Variants in VWA3A observed in about 807,000 individuals in gnomAD.
VWA3A encodes von Willebrand factor A domain containing 3A.
VWA3A carries 134 observed loss-of-function variants against 160.4 expected under a neutral mutation model. The ratio of observed to expected loss-of-function variants is 0.84; its 90% confidence interval spans 0.73 to 0.96. The LOEUF (loss-of-function observed/expected upper bound fraction) is 0.96, where lower values mean the gene tolerates loss of function less well. Ranked by LOEUF, VWA3A falls within the 40% of genes least tolerant of loss-of-function variation. The pLI, the probability that VWA3A is intolerant of heterozygous loss-of-function variation, is 0.00. For synonymous variants in VWA3A, 476 were observed against 543.4 expected (o/e 0.88, Z 1.72); for missense variants, 1,310 against 1,447.9 (o/e 0.90, Z 1.55).
At chr16:22,107,518 G>T (rs1452064902) in intron 6 of VWA3A, among the ~76,000 whole-genome samples, 1 of 152,162 alleles carries the variant, frequency 6.6e-6, no homozygotes, top group Non-Finnish European at 1.5e-5. Context: ...GAGGCTGAAG[G>T]ATCTCTTGAG....
Position 22,117,177 on chromosome 16 carries a change from G to A in VWA3A, c.990+1G>A. 1 of 1,576,578 alleles carries A rather than the reference G, an allele frequency of 6.3e-7. No individual in the cohort carries two copies. Among genetic ancestry groups the A allele is most frequent in the Non-Finnish European group, 8.6e-7 (1 of 1,160,744 alleles). ...CCACTGCTACAGCCCAAAGATGGAG[G>A]TAAGCCCTTCTGTCAACACATGGCC... On this transcript the variant is annotated splice_donor_variant, in intron 11 of 33. Transcript: ENST00000389398. LOFTEE classifies it high-confidence loss of function.
At position 22,115,451 on chromosome 16, in the gene VWA3A, T is replaced by G. The variant is rs1280349014; in HGVS notation, c.794T>G (p.Leu265Arg). The G allele has an allele frequency of 1.9e-5, 31 of 1,608,044 alleles. No homozygotes were observed. Among genetic ancestry groups the G allele is most frequent in the Non-Finnish European group, 2.6e-5 (31 of 1,177,732 alleles). Reference sequence around the variant, plus strand: ...TTCACTCTCAAGGGACTGGATTCCCTGGTGGCCATCATGAGAAGCTGGTAG... The same window carrying G: ...TTCACTCTCAAGGGACTGGATTCCCGGGTGGCCATCATGAGAAGCTGGTAG... ...KIFTLKGLDS[L>R]VAIMRSCPDQ... Residue 265 changes from leucine (L) to arginine (R), a missense_variant, in exon 9 of 34, where the codon CTG becomes CGG. Leu to Arg is a moderately radical substitution (Grantham distance 102). Transcript: ENST00000389398.
chr16:22,152,493 T>C lies in VWA3A; in HGVS notation c.3282-18T>C. 6.2e-7 allele frequency: 1 copy of C among 1,612,020 alleles called. No homozygotes were observed. Among genetic ancestry groups the C allele is most frequent in the Non-Finnish European group, 8.5e-7 (1 of 1,179,202 alleles). Reference sequence around the variant, plus strand: ...GGTCAGTCAGCCTTCCCACCAGCCCTCTGTCCCTTCCTTCCAGAGCGGCGG... The same window carrying C: ...GGTCAGTCAGCCTTCCCACCAGCCCCCTGTCCCTTCCTTCCAGAGCGGCGG... On this transcript the variant is annotated intron_variant, in intron 30 of 33. Coordinates refer to ENST00000389398, the MANE Select transcript of VWA3A (RefSeq NM_173615.5).
chr16:22,102,176 C>A (rs938856870), intron 5 of VWA3A, among the ~76,000 whole-genome samples: 2 of 152,050 alleles, frequency 1.3e-5, no homozygotes, highest in East Asian at 3.8e-4. Flanking sequence ...AATGATGAAA[C>A]CCCAACTCTA....
At chr16:22,140,903 C>T (rs374680493) in intron 23 of VWA3A, among the ~76,000 whole-genome samples, 61 of 152,210 alleles carry the variant, frequency 4.0e-4, no homozygotes, top group African/African-American at 1.4e-3. Context: ...TGAGCCACCA[C>T]GCCTGGCCAC....
At chr16:22,143,198 T>C (rs558989013) in intron 25 of VWA3A, among the ~76,000 whole-genome samples, 13 of 151,480 alleles carry the variant, frequency 8.6e-5, no homozygotes, top group African/African-American at 3.1e-4. Context: ...TTGCTTACTG[T>C]GGCAGATGGG....
intron 3 of VWA3A, among the ~76,000 whole-genome samples, chr16:22,099,417 A>G (rs1391229744): frequency 6.6e-6 from 1 of 152,222 alleles, no homozygotes; most frequent in African/African-American, 2.4e-5. Context: ...TTTGAATTCC[A>G]CATCTGCCAC....
chr16:22,137,735 T>C (rs1470825863), intron 21 of VWA3A, among the ~76,000 whole-genome samples: 1 of 152,130 alleles, frequency 6.6e-6, no homozygotes, highest in African/African-American at 2.4e-5. Flanking sequence ...GCAGGGGAGA[T>C]GAAGAAGCTG....
At chr16:22,113,660 A>G (rs1189099802) in intron 8 of VWA3A, among the ~76,000 whole-genome samples, 1 of 151,972 alleles carries the variant, frequency 6.6e-6, no homozygotes, top group African/African-American at 2.4e-5. Flanking sequence ...GTTCAGTGGT[A>G]CAATCATAGC....
intron 6 of VWA3A, among the ~76,000 whole-genome samples, chr16:22,106,502 G>T (rs1759899728): frequency 6.6e-6 from 1 of 152,094 alleles, no homozygotes; most frequent in African/African-American, 2.4e-5. Flanking sequence ...ATCTTGGGGA[G>T]AATGTTCCAA....
intron 6 of VWA3A, among the ~76,000 whole-genome samples, chr16:22,104,865 C>G (rs1456953569): frequency 6.6e-6 from 1 of 152,066 alleles, no homozygotes; most frequent in Non-Finnish European, 1.5e-5. Flanking sequence ...TTGCCTTAAA[C>G]CCTGGGAAAA....
chr16:22,117,471 A>T (rs7191119), intron 11 of VWA3A, among the ~76,000 whole-genome samples: 79,161 of 151,980 alleles, frequency 0.52, 25,083 homozygotes, highest in African/African-American at 0.87. Flanking sequence ...CCTCAGTCTC[A>T]CTCCAGTTGC....
rs2045655273 is a variant in VWA3A, at chr16:22,116,752, T to A, written c.816-7T>A. On this transcript the variant is annotated splice_polypyrimidine_tract_variant and splice_region_variant and intron_variant, in intron 9 of 33. Coordinates refer to ENST00000389398, the MANE Select transcript of VWA3A (RefSeq NM_173615.5). The stretch of plus-strand genomic sequence containing the variant: ...GGATTTCCACTTCTCTTCTGCCTTC[T>A]CCACAGCCCAGATCAGCCTTCTGAA... 1 of 1,611,388 alleles carries A rather than the reference T, an allele frequency of 6.2e-7. No individual in the cohort carries two copies. The highest frequency in any genetic ancestry group is 8.5e-7 in the Non-Finnish European group (1 of 1,178,888).
chr16:22,105,389 G>A (rs2045469407), intron 6 of VWA3A, among the ~76,000 whole-genome samples: 1 of 152,314 alleles, frequency 6.6e-6, no homozygotes, highest in South Asian at 2.1e-4. Flanking sequence ...GGCAGCCTGA[G>A]GTGATGGCCA....
chr16:22,148,361 TGGCC>T, intron 28 of VWA3A, 55 bp downstream of exon 28: 1 of 1,536,470 alleles, frequency 6.5e-7, no homozygotes, highest in Non-Finnish European at 8.8e-7. Flanking sequence ...GGGGCTTCCC[TGGCC>T]AAGCACGCCC....
chr16:22,146,181 G>T, intron 26 of VWA3A, 55 bp from the exon 27 acceptor site: 3 of 1,370,576 alleles, frequency 2.2e-6, no homozygotes, highest in East Asian at 2.3e-5. Context: ...GGGTGATGGG[G>T]ATATGAAGAA....
At chr16:22,109,686 G>A (rs1183092252) in intron 7 of VWA3A, 106 bp downstream of exon 7, 2 of 918,246 alleles carry the variant, frequency 2.2e-6, no homozygotes, top group Non-Finnish European at 3.4e-6. Flanking sequence ...AAGATAGGGT[G>A]TCTTATAAAG....
intron 16 of VWA3A, among the ~76,000 whole-genome samples, chr16:22,125,255 G>A (rs1355042241): frequency 6.6e-6 from 1 of 151,490 alleles, no homozygotes; most frequent in Non-Finnish European, 1.5e-5. Context: ...GCATGGTGAT[G>A]TGTGCCTGTG....
At chr16:22,147,453 G>A (rs1336222786) in intron 27 of VWA3A, 6 of 640,864 alleles carry the variant, frequency 9.4e-6, no homozygotes, top group East Asian at 5.5e-5. Flanking sequence ...GAGGGGATTC[G>A]GGCTATGGGG....
Sources: gnomAD v4.1 joint callset for allele counts (sites outside exome capture counted in the v4.1 genomes callset) on GRCh38, gnomAD v4.1.1 for gene constraint, MANE v1.5 for transcripts, NCBI Gene and HGNC (gene_info 2026-07-23, HGNC 2026-07-21) for gene names.